The following PPP1R13B variants were observed in gnomAD, a reference collection of about 807,000 sequenced individuals.
PPP1R13B encodes apoptosis-stimulating of p53 protein 1.
Under a neutral mutation model 119.8 loss-of-function variants are expected in PPP1R13B, and 44 were observed. That is an observed-to-expected ratio of 0.37 (90% confidence interval 0.29 to 0.47). PPP1R13B has a LOEUF of 0.47. Among genes scored for constraint, PPP1R13B ranks in the 20% least tolerant of loss-of-function variants. PPP1R13B has a pLI of 0.99. For synonymous variants in PPP1R13B, 542 were observed against 561.5 expected (o/e 0.97, Z 0.49); for missense variants, 1,227 against 1,413.5 (o/e 0.87, Z 2.12).
At chr14:103,749,995 C>A in intron 7 of PPP1R13B, 61 bp from the exon 8 acceptor site, 2 of 1,557,258 alleles carry the variant, frequency 1.3e-6, no homozygotes, top group Non-Finnish European at 8.7e-7. Context: ...ATTCTCATTG[C>A]CAGGGAGATT....
chr14:103,748,546 C>CT (rs1331668857), intron 8 of PPP1R13B, among the ~76,000 whole-genome samples: 3 of 152,222 alleles, frequency 2.0e-5, no homozygotes, highest in Non-Finnish European at 4.4e-5. Context: ...GGAGTCCTTG[C>CT]TGGTGGGTCA....
upstream of PPP1R13B, chr14:103,848,144 C>T: frequency 1.3e-6 from 1 of 758,372 alleles, no homozygotes; most frequent in Non-Finnish European, 1.6e-6. Flanking sequence ...CTGGCACCTG[C>T]TTCTCCCCCA....
intron 9 of PPP1R13B, among the ~76,000 whole-genome samples, chr14:103,745,080 A>G (rs2084354123): frequency 6.6e-6 from 1 of 152,194 alleles, no homozygotes; most frequent in Non-Finnish European, 1.5e-5. Flanking sequence ...CAAACTATAA[A>G]TAACAGCTTA....
At chr14:103,805,637 C>T (rs887704590) in intron 1 of PPP1R13B, among the ~76,000 whole-genome samples, 10 of 151,994 alleles carry the variant, frequency 6.6e-5, no homozygotes, top group Non-Finnish European at 1.5e-4. Flanking sequence ...AAGACAAAAC[C>T]AAAATCTCCA....
chr14:103,795,574 T>C (rs1229462907), intron 2 of PPP1R13B, among the ~76,000 whole-genome samples: 2 of 152,126 alleles, frequency 1.3e-5, no homozygotes, highest in Non-Finnish European at 2.9e-5. Context: ...ATAATACTCG[T>C]GTAAAAATTT....
intron 1 of PPP1R13B, among the ~76,000 whole-genome samples, chr14:103,799,610 G>A (rs1488971614): frequency 1.7e-5 from 2 of 114,600 alleles, no homozygotes; most frequent in African/African-American, 3.8e-5. Context: ...ACTGTGCCGG[G>A]TTTTTTGTTT....
At chr14:103,846,925 C>T in intron 1 of PPP1R13B, 1 of 1,154,888 alleles carries the variant, frequency 8.7e-7, no homozygotes, top group South Asian at 1.4e-5. Context: ...CGCCGACTCC[C>T]AGGGCGACCC....
chr14:103,821,628 G>A (rs2152069444), intron 1 of PPP1R13B, among the ~76,000 whole-genome samples: 1 of 152,246 alleles, frequency 6.6e-6, no homozygotes, highest in East Asian at 1.9e-4. Flanking sequence ...ATGCCTGCCT[G>A]TAATCCCAGA....
At chr14:103,845,201 T>C (rs762361981) in intron 1 of PPP1R13B, among the ~76,000 whole-genome samples, 4 of 150,360 alleles carry the variant, frequency 2.7e-5, no homozygotes, top group Non-Finnish European at 4.4e-5. Flanking sequence ...ATACCAAATA[T>C]ACAATAAATC....
At chr14:103,775,516 C>T (rs2085167047) in intron 4 of PPP1R13B, among the ~76,000 whole-genome samples, 1 of 152,180 alleles carries the variant, frequency 6.6e-6, no homozygotes, top group Non-Finnish European at 1.5e-5. Context: ...CTCAGGTGAT[C>T]CGCCTACCTT....
chr14:103,742,314 A>T lies in PPP1R13B; in HGVS notation c.1321-23T>A. On this transcript the variant is annotated intron_variant, in intron 10 of 16. Coordinates refer to ENST00000202556, the MANE Select transcript of PPP1R13B (RefSeq NM_015316.3). This position sits in a 1 kb window ranked among gnomAD's most constrained non-coding sequence, Gnocchi z 4.9. ...GCCCTAAGTTTAGGTGTTAAGAAGAAAAACAAAGTCACCCTTTGAACAGTT... is the reference window on the plus strand; with the variant it reads ...GCCCTAAGTTTAGGTGTTAAGAAGATAAACAAAGTCACCCTTTGAACAGTT... The T allele has an allele frequency of 2.6e-6, 4 of 1,519,224 alleles. No individual in the cohort carries two copies. The highest frequency in any genetic ancestry group is 3.5e-6 in the Non-Finnish European group (4 of 1,141,626). 94.1% of individuals were successfully genotyped at this position (1,519,224 alleles called of 1,614,324 possible).
At position 103,791,124 on chromosome 14, in the gene PPP1R13B, C is replaced by CT. The variant is rs74264751; in HGVS notation, c.158-6211dup. Among the ~76,000 whole-genome samples the CT allele has an allele frequency of 1.1e-3, 154 of 145,018 alleles. 1 individual carries two copies. In the South Asian group the frequency reaches 0.012, roughly 11 times the overall value. On this transcript the variant is annotated intron_variant, in intron 2 of 16. Coordinates refer to ENST00000202556, the MANE Select transcript of PPP1R13B (RefSeq NM_015316.3). The stretch of plus-strand genomic sequence containing the variant: ...ACATTATGCTGCTGACTTTTTTCTT[C>CT]TTTTTTTTTTTTTAAGAGATGGGGT...
At chr14:103,848,257 GCCACCTGTGC>G, upstream of PPP1R13B, 2 of 985,384 alleles carry the variant, frequency 2.0e-6, no homozygotes, top group Non-Finnish European at 2.4e-6. Flanking sequence ...GCCCACCTGT[GCCACCTGTGC>G]CCACCTGCGC....
rs529102689 is a variant in PPP1R13B, at chr14:103,808,143, C to T, written c.10-10625G>A. Among the ~76,000 whole-genome samples, 7 of 151,982 alleles carry T rather than the reference C, an allele frequency of 4.6e-5. No homozygotes were observed. The East Asian group carries it at 1.4e-3, about 30-fold the overall frequency. ...GCCTATAATCCCAGCTACTCAGAGG[C>T]TGAGACAGTGGAATCCCTTGAACCC... On this transcript the variant is annotated intron_variant, in intron 1 of 16. Transcript: ENST00000202556.
At chr14:103,777,604 G>A (rs1176667580) in intron 4 of PPP1R13B, among the ~76,000 whole-genome samples, 2 of 152,248 alleles carry the variant, frequency 1.3e-5, no homozygotes, top group South Asian at 4.1e-4. Context: ...TGAAGGGCAG[G>A]TGGAGGGCTG....
At chr14:103,829,592 G>A (rs749742347) in intron 1 of PPP1R13B, among the ~76,000 whole-genome samples, 1 of 151,912 alleles carries the variant, frequency 6.6e-6, no homozygotes, top group Non-Finnish European at 1.5e-5. Flanking sequence ...AATATTTTGA[G>A]GATAAAAACA....
chr14:103,784,118 G>A (rs1018370141), intron 3 of PPP1R13B, among the ~76,000 whole-genome samples: 1 of 152,178 alleles, frequency 6.6e-6, no homozygotes, highest in Non-Finnish European at 1.5e-5. Context: ...AGAGGTTGCA[G>A]TGAGCTGAGA....
At chr14:103,817,679 A>C (rs946621192) in intron 1 of PPP1R13B, among the ~76,000 whole-genome samples, 3 of 152,086 alleles carry the variant, frequency 2.0e-5, no homozygotes, top group African/African-American at 7.2e-5. Context: ...AAAAATAGCT[A>C]ATTATTTTTG....
chr14:103,774,072 G>T (rs527613719), intron 4 of PPP1R13B, among the ~76,000 whole-genome samples: 5 of 152,186 alleles, frequency 3.3e-5, no homozygotes, highest in Admixed American at 2.0e-4. Flanking sequence ...AATGGTGCTG[G>T]GATAACTGGA....
Sources: gnomAD v4.1 joint callset for allele counts (sites outside exome capture counted in the v4.1 genomes callset) on GRCh38, gnomAD v4.1.1 for gene constraint, Gnocchi (gnomAD v3.1) non-coding constraint, MANE v1.5 for transcripts, NCBI Gene and HGNC (gene_info 2026-07-23, HGNC 2026-07-21) for gene names.